The following ARHGEF7 variants were observed in gnomAD, a reference collection of about 807,000 sequenced individuals.
ARHGEF7 encodes the protein Rho guanine nucleotide exchange factor 7.
In ARHGEF7, 33 loss-of-function variants were observed where a neutral mutation model predicts 109.8. That is an observed-to-expected ratio of 0.30 (90% CI 0.23 to 0.40). The LOEUF (loss-of-function observed/expected upper bound fraction) is 0.40. Among genes scored for constraint, ARHGEF7 ranks in the 10% least tolerant of loss-of-function variants. The probability of loss-of-function intolerance (pLI) is 1.00; values close to 1 mark genes in which losing one functional copy is unlikely to be tolerated. For synonymous variants in ARHGEF7, 458 were observed against 424.6 expected, an observed-to-expected ratio of 1.08 and a Z score of -0.97; for missense variants, 938 against 1,098.5, an observed-to-expected ratio of 0.85 and a Z score of 2.07.
chr13:111,207,402 A>G (rs1285752113), intron 3 of ARHGEF7, among the ~76,000 whole-genome samples: 1 of 152,168 alleles, frequency 6.6e-6, no homozygotes, highest in Non-Finnish European at 1.5e-5. Flanking sequence ...TCCTGAGCTC[A>G]AGCTATCTGC....
intron 8 of ARHGEF7, among the ~76,000 whole-genome samples, chr13:111,261,686 A>G (rs1280911345): frequency 6.6e-6 from 1 of 152,204 alleles, no homozygotes; most frequent in Admixed American, 6.5e-5. Context: ...ATTCTTAAGG[A>G]TCATCTATAT....
At chr13:111,121,825 G>C (rs1231534729) in intron 1 of ARHGEF7, among the ~76,000 whole-genome samples, 1 of 152,162 alleles carries the variant, frequency 6.6e-6, no homozygotes, top group Non-Finnish European at 1.5e-5. Context: ...TAACCTCTCG[G>C]AGTCCTAGTT....
chr13:111,147,152 T>C (rs138758578), intron 1 of ARHGEF7, among the ~76,000 whole-genome samples: 1 of 152,326 alleles, frequency 6.6e-6, no homozygotes, highest in East Asian at 1.9e-4. Flanking sequence ...TAAATAAAGC[T>C]ATGAACATTG....
chr13:111,288,491 A>G, intron 18 of ARHGEF7, 48 bp downstream of exon 18: 1 of 1,478,860 alleles, frequency 6.8e-7, no homozygotes, highest in Middle Eastern at 1.7e-4. Context: ...TATTCTGTTT[A>G]GTTTCAAATT....
At chr13:111,123,378 C>A (rs555328013) in intron 1 of ARHGEF7, among the ~76,000 whole-genome samples, 8 of 152,324 alleles carry the variant, frequency 5.3e-5, no homozygotes, top group African/African-American at 1.9e-4. Context: ...CCAGGGTCAG[C>A]AAGCTGCCTG....
intron 1 of ARHGEF7, among the ~76,000 whole-genome samples, chr13:111,122,165 G>A (rs975550194): frequency 8.5e-5 from 13 of 152,302 alleles, no homozygotes; most frequent in Admixed American, 8.5e-4. Flanking sequence ...TGGCTTCCAG[G>A]GCCCTCTGGT....
intron 5 of ARHGEF7, among the ~76,000 whole-genome samples, chr13:111,219,310 C>G (rs1028168379): frequency 2.2e-4 from 34 of 152,156 alleles, no homozygotes; most frequent in African/African-American, 8.2e-4. Flanking sequence ...GGAGGGTTTT[C>G]CATGCTGTAG....
chr13:111,121,612 G>A (rs948705430), intron 1 of ARHGEF7, among the ~76,000 whole-genome samples: 3 of 151,790 alleles, frequency 2.0e-5, no homozygotes, highest in Admixed American at 1.3e-4. Flanking sequence ...CTCACTGCAC[G>A]AGGGAGGTGG....
At chr13:111,267,333 T>C (rs1312775374) in intron 8 of ARHGEF7, among the ~76,000 whole-genome samples, 2 of 152,224 alleles carry the variant, frequency 1.3e-5, no homozygotes, top group East Asian at 3.8e-4. Context: ...TGAATGCTGC[T>C]GGAGAGGACC....
intron 2 of ARHGEF7, among the ~76,000 whole-genome samples, chr13:111,180,331 G>A (rs2078614971): frequency 1.3e-5 from 2 of 152,220 alleles, no homozygotes; most frequent in Non-Finnish European, 2.9e-5. Flanking sequence ...GACTCAGACT[G>A]AAGCCATGAA....
At chr13:111,301,121 G>T (rs1164435356) in intron 20 of ARHGEF7, among the ~76,000 whole-genome samples, 1 of 152,080 alleles carries the variant, frequency 6.6e-6, no homozygotes, top group Admixed American at 6.5e-5. Context: ...GCTAATTTTT[G>T]TATTTTTAGT....
chr13:111,226,380 A>C (rs1017392494), intron 5 of ARHGEF7, among the ~76,000 whole-genome samples: 2 of 152,260 alleles, frequency 1.3e-5, no homozygotes, highest in Non-Finnish European at 2.9e-5. Context: ...CCACACCAAC[A>C]GGCTGACTCT....
intron 5 of ARHGEF7, 46 bp from the exon 6 acceptor site, chr13:111,233,159 C>T: frequency 6.6e-7 from 1 of 1,514,810 alleles, no homozygotes; most frequent in Non-Finnish European, 9.2e-7. Flanking sequence ...GAACTTTTGT[C>T]ATCTTTAGTA....
chr13:111,205,421 C>A, intron 3 of ARHGEF7, 48 bp downstream of exon 3: 1 of 1,357,164 alleles, frequency 7.4e-7, no homozygotes, highest in Non-Finnish European at 1.0e-6. Flanking sequence ...GACATACGGG[C>A]TGACACCTTT....
rs1294574395 is a variant in ARHGEF7 at position 111,303,750 on chromosome 13, AG to A, written c.*640del. 6.6e-6 allele frequency: 1 copy of A among 152,236 alleles called. No individual in the cohort carries two copies. The highest frequency in any genetic ancestry group is 2.4e-5 in the African/African-American group (1 of 41,446). The allele number at this position is 152,236 out of a possible 1,614,324, so 9.4% of individuals were successfully genotyped here. ...ACAGTCCCAGACCTGCGGGTTTCTG[AG>A]GGCAACTTGCTGGCTGACAGACTCA... On this transcript the variant is annotated 3_prime_UTR_variant, in exon 22 of 22. Coordinates refer to ENST00000646102, the MANE Select transcript of ARHGEF7 (RefSeq NM_001354046.2).
chr13:111,176,672 T>C (rs1181416651), intron 2 of ARHGEF7, among the ~76,000 whole-genome samples: 1 of 152,246 alleles, frequency 6.6e-6, no homozygotes, highest in Non-Finnish European at 1.5e-5. Flanking sequence ...GTCCTCCTCT[T>C]GTCCCCCATC....
At chr13:111,152,253 C>G (rs1455324644) in intron 1 of ARHGEF7, among the ~76,000 whole-genome samples, 3 of 152,112 alleles carry the variant, frequency 2.0e-5, no homozygotes, top group Middle Eastern at 3.4e-3. Context: ...CACTTAGATT[C>G]TATTGGATAT....
chr13:111,192,098 A>G (rs571330454), intron 2 of ARHGEF7, among the ~76,000 whole-genome samples: 20 of 152,286 alleles, frequency 1.3e-4, no homozygotes, highest in South Asian at 1.2e-3. Flanking sequence ...TTTCCTTCCA[A>G]AACAGGAGAT....
At chr13:111,173,779 C>G (rs1418843422) in intron 2 of ARHGEF7, among the ~76,000 whole-genome samples, 9 of 149,832 alleles carry the variant, frequency 6.0e-5, no homozygotes, top group African/African-American at 1.2e-4. Flanking sequence ...CCTGCAGCAC[C>G]TGGTCTTGGA....
Sources: gnomAD v4.1 joint callset for allele counts (sites outside exome capture counted in the v4.1 genomes callset) on GRCh38, gnomAD v4.1.1 for gene constraint, MANE v1.5 for transcripts, NCBI Gene and HGNC (gene_info 2026-07-23, HGNC 2026-07-21) for gene names.